The following SYT1 variants were observed in gnomAD, a reference collection of about 807,000 sequenced individuals.
SYT1 encodes the protein synaptotagmin 1.
A neutral mutation model predicts 44.8 loss-of-function variants in SYT1; 8 were observed. The observed-to-expected ratio is 0.18, with a 90% CI of 0.10 to 0.32. The LOEUF (loss-of-function observed/expected upper bound fraction) is 0.32, where lower values mean the gene tolerates loss of function less well. Among genes scored for constraint, SYT1 ranks in the 10% least tolerant of loss-of-function variants. The pLI, the probability that SYT1 is intolerant of heterozygous loss-of-function variation, is 1.00. For synonymous variants in SYT1, 154 were observed against 188.8 expected, an observed-to-expected ratio of 0.82 and a Z score of 1.51; for missense variants, 286 against 509.3, an observed-to-expected ratio of 0.56 and a Z score of 4.22.
intron 9 of SYT1, among the ~76,000 whole-genome samples, chr12:79,405,067 C>G (rs1404757640): frequency 6.6e-6 from 1 of 152,168 alleles, no homozygotes; most frequent in Admixed American, 6.6e-5. Flanking sequence ...TGTCTTTTTC[C>G]ACATGAACAA....
intron 4 of SYT1, among the ~76,000 whole-genome samples, chr12:79,251,266 A>G (rs1877195920): frequency 6.6e-6 from 1 of 152,176 alleles, no homozygotes; most frequent in Non-Finnish European, 1.5e-5. Context: ...CTGATTAACA[A>G]TGAGGAAGCA....
intron 2 of SYT1, among the ~76,000 whole-genome samples, chr12:79,000,608 T>A (rs1418335369): frequency 6.6e-6 from 1 of 152,142 alleles, no homozygotes; most frequent in Non-Finnish European, 1.5e-5. Context: ...CACCTTAACT[T>A]CTTCTTAATT....
intron 3 of SYT1, among the ~76,000 whole-genome samples, chr12:79,061,019 A>G (rs945727413): frequency 1.3e-4 from 20 of 152,074 alleles, no homozygotes; most frequent in African/African-American, 4.8e-4. Context: ...TGTTCTTCAG[A>G]AGATTCGTGA....
chr12:79,401,547 G>A (rs1885066389), intron 9 of SYT1, among the ~76,000 whole-genome samples: 1 of 152,010 alleles, frequency 6.6e-6, no homozygotes, highest in Non-Finnish European at 1.5e-5. Flanking sequence ...TGAGTGCTTT[G>A]GTTGGCTAAT....
At chr12:79,170,791 T>C (rs547771583) in intron 3 of SYT1, among the ~76,000 whole-genome samples, 1 of 152,252 alleles carries the variant, frequency 6.6e-6, no homozygotes, top group African/African-American at 2.4e-5. Context: ...ATGTCCTGAA[T>C]GGTATTGCCT....
intron 9 of SYT1, among the ~76,000 whole-genome samples, chr12:79,354,968 A>G (rs1162922740): frequency 6.6e-6 from 1 of 151,936 alleles, no homozygotes; most frequent in Non-Finnish European, 1.5e-5. Context: ...CTCATAACCT[A>G]TGTCTAGTAC....
At chr12:79,208,653 AAG>A (rs1874262303) in intron 3 of SYT1, among the ~76,000 whole-genome samples, 1 of 152,124 alleles carries the variant, frequency 6.6e-6, no homozygotes, top group South Asian at 2.1e-4. Context: ...GTAGGGGGAA[AAG>A]AGATATTTAA....
intron 9 of SYT1, among the ~76,000 whole-genome samples, chr12:79,368,759 T>G (rs566064924): frequency 8.9e-4 from 136 of 152,188 alleles, no homozygotes; most frequent in African/African-American, 3.2e-3. Context: ...GTTTTTTTCT[T>G]GTAAATTTGT....
chr12:79,193,609 T>A (rs1339810109), intron 3 of SYT1, among the ~76,000 whole-genome samples: 1 of 152,084 alleles, frequency 6.6e-6, no homozygotes, highest in Non-Finnish European at 1.5e-5. Context: ...AAACCAGTAA[T>A]CCCAGCTATT....
chr12:79,309,362 A>G (rs987117725), intron 8 of SYT1, among the ~76,000 whole-genome samples: 8 of 151,616 alleles, frequency 5.3e-5, no homozygotes, highest in African/African-American at 1.9e-4. Flanking sequence ...CCCATGTTCT[A>G]TTTTGAAATA....
chr12:79,438,470 A>C (rs1197702471), intron 9 of SYT1, among the ~76,000 whole-genome samples: 1 of 152,208 alleles, frequency 6.6e-6, no homozygotes, highest in Non-Finnish European at 1.5e-5. Flanking sequence ...AATTAATATG[A>C]GAGATCTATG....
intron 8 of SYT1, among the ~76,000 whole-genome samples, chr12:79,326,110 C>T (rs1467143459): frequency 6.6e-6 from 1 of 152,036 alleles, no homozygotes; most frequent in African/African-American, 2.4e-5. Context: ...ATTCACAGGA[C>T]GACTGTGAAT....
chr12:79,269,384 CT>C (rs1878299625), intron 4 of SYT1, among the ~76,000 whole-genome samples: 2 of 152,040 alleles, frequency 1.3e-5, no homozygotes, highest in African/African-American at 4.8e-5. Context: ...GTTTTATTTT[CT>C]GGGAGTTAGT....
At chr12:78,865,465 A>G (rs1188574975) in intron 1 of SYT1, among the ~76,000 whole-genome samples, 1 of 151,604 alleles carries the variant, frequency 6.6e-6, no homozygotes, top group Non-Finnish European at 1.5e-5. Flanking sequence ...CTAAGCACGC[A>G]CAGCGTTTCT....
chr12:78,918,457 C>T (rs962170088), intron 1 of SYT1, among the ~76,000 whole-genome samples: 13 of 152,206 alleles, frequency 8.5e-5, no homozygotes, highest in Non-Finnish European at 4.4e-5. Context: ...TTAAAAGCTA[C>T]AGACTCTGGG....
At chr12:79,056,700 A>G (rs1352727080) in intron 3 of SYT1, among the ~76,000 whole-genome samples, 1 of 152,094 alleles carries the variant, frequency 6.6e-6, no homozygotes, top group East Asian at 1.9e-4. Context: ...GTATGATGCC[A>G]TTACATGGCA....
At chr12:79,361,501 T>A (rs1883314505) in intron 9 of SYT1, among the ~76,000 whole-genome samples, 2 of 152,172 alleles carry the variant, frequency 1.3e-5, no homozygotes, top group South Asian at 4.1e-4. Context: ...TGATTCCAAA[T>A]ATCCTCTATA....
chr12:79,109,831 T>C (rs1040084940), intron 3 of SYT1, among the ~76,000 whole-genome samples: 2 of 152,284 alleles, frequency 1.3e-5, no homozygotes, highest in East Asian at 1.9e-4. Flanking sequence ...TAATGACCTC[T>C]TTAAAAGTAA....
chr12:79,077,076 C>T (rs1876708165), intron 3 of SYT1, among the ~76,000 whole-genome samples: 2 of 152,108 alleles, frequency 1.3e-5, no homozygotes, highest in South Asian at 4.1e-4. Context: ...TGCCTTTATT[C>T]CCTTGTCCCA....
Sources: allele counts gnomAD v4.1 joint callset (sites outside exome capture counted in the v4.1 genomes callset), GRCh38; gene constraint gnomAD v4.1.1; transcripts MANE v1.5; gene names NCBI Gene and HGNC (gene_info 2026-07-23, HGNC 2026-07-21).